The following ITGA1 variants were observed in gnomAD, a reference collection of about 807,000 sequenced individuals.
ITGA1 encodes the protein integrin alpha-1.
ITGA1 carries 85 observed loss-of-function variants against 145.9 expected under a neutral mutation model. That is an observed-to-expected ratio of 0.58 (90% CI 0.49 to 0.70). ITGA1 has a LOEUF of 0.70. ITGA1 is among the 30% of genes least tolerant of loss of function. The probability of loss-of-function intolerance (pLI) is 0.00; values close to 1 mark genes in which losing one functional copy is unlikely to be tolerated. For synonymous variants in ITGA1, 520 were observed against 495.3 expected (o/e 1.05, Z -0.66); for missense variants, 1,351 against 1,418.7 (o/e 0.95, Z 0.77).
In ITGA1 at chr5:52,792,539, T is replaced by G. The variant is rs542856728; in HGVS notation, c.61+4125T>G. 1.1e-4 allele frequency among the ~76,000 whole-genome samples: 17 copies of G among 152,286 alleles called. No homozygotes were observed. The East Asian group carries it at 2.3e-3, about 21-fold the overall frequency. On this transcript the variant is annotated intron_variant, in intron 1 of 28. Transcript: ENST00000282588. The stretch of plus-strand genomic sequence containing the variant: ...TACCCAGCTATTTTGAAGCATGAGC[T>G]CTTGGGCCACAGCTTATCACTGATG...
intron 28 of ITGA1, among the ~76,000 whole-genome samples, chr5:52,948,233 C>A (rs549261496): frequency 1.0e-3 from 159 of 152,244 alleles, no homozygotes; most frequent in Non-Finnish European, 4.7e-4. Flanking sequence ...ACATCCCATA[C>A]AGAGTTGAAT....
intron 6 of ITGA1, 57 bp from the exon 7 acceptor site, chr5:52,881,816 G>A (rs1278543156): frequency 2.6e-5 from 40 of 1,516,380 alleles, no homozygotes; most frequent in Admixed American, 1.9e-5. Flanking sequence ...TTAACCTGAA[G>A]AAATCTGAAC....
At chr5:52,846,327 C>T (rs185143912) in intron 1 of ITGA1, among the ~76,000 whole-genome samples, 6 of 152,092 alleles carry the variant, frequency 3.9e-5, no homozygotes, top group Admixed American at 6.6e-5. Flanking sequence ...AGCTTGAAGC[C>T]GGGAGACAGA....
chr5:52,920,201 T>C, intron 16 of ITGA1, 131 bp from the exon 17 acceptor site: 6 of 665,250 alleles, frequency 9.0e-6, no homozygotes, highest in Non-Finnish European at 7.4e-6. Flanking sequence ...AGTGTGGATA[T>C]GCTGAACAAT....
intron 6 of ITGA1, among the ~76,000 whole-genome samples, chr5:52,881,000 C>T (rs955492969): frequency 4.6e-5 from 7 of 152,154 alleles, no homozygotes; most frequent in African/African-American, 1.7e-4. Flanking sequence ...GGGGCACTTT[C>T]CCTCCTGTAT....
chr5:52,929,855 A>G (rs923845123), intron 21 of ITGA1, among the ~76,000 whole-genome samples, 154 bp downstream of exon 21: 2 of 151,926 alleles, frequency 1.3e-5, no homozygotes, highest in Non-Finnish European at 2.9e-5. Flanking sequence ...GCTTCACAAA[A>G]ACACCCTTAA....
intron 1 of ITGA1, chr5:52,800,268 C>T: frequency 1.1e-6 from 1 of 932,494 alleles, no homozygotes; most frequent in Non-Finnish European, 1.6e-6. Flanking sequence ...TTCCTTCCCG[C>T]CAGGCAAGTG....
At chr5:52,934,366 T>A (rs1726497486) in intron 23 of ITGA1, among the ~76,000 whole-genome samples, 1 of 151,790 alleles carries the variant, frequency 6.6e-6, no homozygotes, top group Non-Finnish European at 1.5e-5. Flanking sequence ...CTTACATTAT[T>A]TTATCAGTGT....
At position 52,849,478 on chromosome 5, in the gene ITGA1, G is replaced by A. The variant is rs1350660829; in HGVS notation, c.175G>A (p.Gly59Arg). 2 of 1,598,192 alleles carry A rather than the reference G, an allele frequency of 1.3e-6. No homozygotes were observed. The highest frequency in any genetic ancestry group is 1.7e-6 in the Non-Finnish European group (2 of 1,169,980). ...YTVQQYENEE[G>R]KWVLIGSPLV... Reference sequence around the variant, plus strand: ...TGTTCAACAATATGAAAATGAAGAAGGAAAATGGTAAGCCAGTGGGTTTTG... The same window carrying A: ...TGTTCAACAATATGAAAATGAAGAAAGAAAATGGTAAGCCAGTGGGTTTTG... The change falls in exon 2 of 29, where the codon GGA (glycine) becomes AGA (arginine). Residue 59 changes from glycine to arginine, a missense_variant. Transcript: ENST00000282588.
intron 6 of ITGA1, among the ~76,000 whole-genome samples, chr5:52,866,243 T>C (rs1259729608): frequency 6.6e-6 from 1 of 152,206 alleles, no homozygotes; most frequent in Non-Finnish European, 1.5e-5. Flanking sequence ...CTCAAACTCC[T>C]AGCCTCTGGT....
Position 52,920,932 on chromosome 5 carries a change from C to T in ITGA1, c.2292+464C>T, listed in dbSNP as rs373079668. 6.6e-5 allele frequency among the ~76,000 whole-genome samples: 10 copies of T among 151,568 alleles called. No homozygotes were observed. The East Asian group carries it at 7.7e-4, about 12-fold the overall frequency. On this transcript the variant is annotated intron_variant, in intron 17 of 28. Transcript: ENST00000282588. ...CATATCTCGCCGTTTGATTTTAGAG[C>T]GAAGGGGAAAATTATCTGGTATTTT...
At chr5:52,948,163 T>A (rs1751162819) in intron 28 of ITGA1, among the ~76,000 whole-genome samples, 2 of 152,326 alleles carry the variant, frequency 1.3e-5, no homozygotes, top group South Asian at 4.1e-4. Context: ...AGCAGCTGTA[T>A]AATTTTCACA....
At chr5:52,938,929 ATCTC>A (rs1284552939) in intron 24 of ITGA1, among the ~76,000 whole-genome samples, 3 of 151,820 alleles carry the variant, frequency 2.0e-5, no homozygotes, top group African/African-American at 7.3e-5. Flanking sequence ...TTGAGACGGA[ATCTC>A]TCTCTGTCAC....
intron 2 of ITGA1, among the ~76,000 whole-genome samples, chr5:52,853,938 G>C (rs1307484118): frequency 3.3e-5 from 5 of 152,142 alleles, no homozygotes; most frequent in Non-Finnish European, 5.9e-5. Flanking sequence ...GCATGGCCAG[G>C]TCTCAGCCGA....
chr5:52,900,936 A>T (rs931916342), intron 11 of ITGA1, among the ~76,000 whole-genome samples: 2 of 152,178 alleles, frequency 1.3e-5, no homozygotes, highest in Non-Finnish European at 2.9e-5. Context: ...GTTATATAAT[A>T]AACATTCCTC....
chr5:52,847,949 G>A (rs1482399870), intron 1 of ITGA1, among the ~76,000 whole-genome samples: 1 of 152,192 alleles, frequency 6.6e-6, no homozygotes, highest in East Asian at 1.9e-4. Flanking sequence ...CCATCCATTT[G>A]AGATGGTGAT....
At chr5:52,821,184 T>C (rs909825466) in intron 1 of ITGA1, among the ~76,000 whole-genome samples, 22 of 152,198 alleles carry the variant, frequency 1.4e-4, no homozygotes, top group African/African-American at 5.3e-4. Context: ...TTCAGTAAAG[T>C]TTGATACCAT....
chr5:52,829,526 T>C (rs1037881599), intron 1 of ITGA1, among the ~76,000 whole-genome samples: 2 of 152,122 alleles, frequency 1.3e-5, no homozygotes, highest in African/African-American at 4.8e-5. Context: ...TTCTTAATTT[T>C]TGAAAAATGA....
At chr5:52,857,077 T>G (rs1034321553) in intron 2 of ITGA1, among the ~76,000 whole-genome samples, 8 of 152,238 alleles carry the variant, frequency 5.3e-5, no homozygotes, top group African/African-American at 1.9e-4. Context: ...GGCCTAGCCT[T>G]AGAAGTCATA....
Sources: allele counts gnomAD v4.1 joint callset (sites outside exome capture counted in the v4.1 genomes callset), GRCh38; gene constraint gnomAD v4.1.1; transcripts MANE v1.5; gene names NCBI Gene and HGNC (gene_info 2026-07-23, HGNC 2026-07-21).